Variants in RBFOX1 observed in about 807,000 individuals in gnomAD.
The protein encoded by RBFOX1 is RNA binding fox-1 homolog 1.
RBFOX1 carries 8 observed loss-of-function variants against 57.7 expected under a neutral mutation model. The observed-to-expected ratio is 0.14, with a 90% CI of 0.08 to 0.25. RBFOX1 has a LOEUF of 0.25. RBFOX1 is among the 10% of genes least tolerant of loss of function. RBFOX1 has a pLI of 1.00. For synonymous variants in RBFOX1, 326 were observed against 222.4 expected, an observed-to-expected ratio of 1.47 and a Z score of -4.15; for missense variants, 611 against 548.5, an observed-to-expected ratio of 1.11 and a Z score of -1.14.
In RBFOX1 at chr16:6,032,089, C is replaced by T. The variant is rs1460528926; in HGVS notation, c.-127+12097C>T. Among the ~76,000 whole-genome samples, 3 of 152,068 alleles carry T rather than the reference C, an allele frequency of 2.0e-5. No homozygotes were observed. In the East Asian group the frequency reaches 5.8e-4, roughly 29 times the overall value. On this transcript the variant is annotated intron_variant, in intron 1 of 15. Transcript: ENST00000550418. ...AAGGATTGTATTAGCACCACAGAGA[C>T]CCTTAGCCTCTTTCTTAAAGGTTCT...
Position 5,946,877 on chromosome 16 carries a change from G to A in RBFOX1, c.351+79542G>A, listed in dbSNP as rs1245208188. On this transcript the variant is annotated intron_variant, in intron 4 of 19. Coordinates refer to the RBFOX1 transcript ENST00000641259. This position sits in a 1 kb window ranked among gnomAD's most constrained non-coding sequence, Gnocchi z 4.6. The stretch of plus-strand genomic sequence containing the variant: ...GTGAAATAAAACCCAACACATATGA[G>A]TGTAGAGGTATGCTGCTTGAGTGGA... Among the ~76,000 whole-genome samples, 1 of 152,168 alleles carries A rather than the reference G, an allele frequency of 6.6e-6. No individual in the cohort carries two copies. Among genetic ancestry groups the A allele is most frequent in the Non-Finnish European group, 1.5e-5 (1 of 68,044 alleles).
At chr16:7,565,344 AT>A (rs1265942097) in intron 5 of RBFOX1, among the ~76,000 whole-genome samples, 4 of 152,054 alleles carry the variant, frequency 2.6e-5, no homozygotes, top group African/African-American at 9.7e-5. Flanking sequence ...GAACATATAT[AT>A]TTTCCCCCGA....
At chr16:6,404,098 C>G (rs1413541716) in intron 2 of RBFOX1, among the ~76,000 whole-genome samples, 1 of 152,074 alleles carries the variant, frequency 6.6e-6, no homozygotes, top group Non-Finnish European at 1.5e-5. Flanking sequence ...GACTCGGCAT[C>G]CATGGAGTCA....
intron 3 of RBFOX1, among the ~76,000 whole-genome samples, chr16:6,795,293 C>G (rs2083748633): frequency 6.6e-6 from 1 of 152,022 alleles, no homozygotes; most frequent in Non-Finnish European, 1.5e-5. Flanking sequence ...GCCTTGAGAG[C>G]TCATCTAATT....
At chr16:6,163,837 A>G (rs971406084) in intron 1 of RBFOX1, among the ~76,000 whole-genome samples, 2 of 152,204 alleles carry the variant, frequency 1.3e-5, no homozygotes, top group Admixed American at 6.5e-5. Context: ...AAGGGGAACA[A>G]TTAGAAAGGC....
intron 4 of RBFOX1, among the ~76,000 whole-genome samples, chr16:7,384,543 G>GT (rs1253686449): frequency 2.6e-5 from 4 of 152,180 alleles, no homozygotes; most frequent in Non-Finnish European, 5.9e-5. Flanking sequence ...ATCTTGGGCA[G>GT]TATCATTTAT....
chr16:7,284,335 A>T (rs571084925), intron 4 of RBFOX1, among the ~76,000 whole-genome samples: 11 of 152,168 alleles, frequency 7.2e-5, no homozygotes, highest in Non-Finnish European at 1.5e-4. Context: ...GTTTAACTTT[A>T]TTCATTCATT....
intron 2 of RBFOX1, among the ~76,000 whole-genome samples, chr16:6,452,380 C>T (rs1194200328): frequency 6.6e-6 from 1 of 151,508 alleles, no homozygotes; most frequent in Non-Finnish European, 1.5e-5. Context: ...CTCTTCTTTC[C>T]ATGTCTCTTT....
At chr16:5,820,987 G>A (rs2055832114) in intron 3 of RBFOX1, among the ~76,000 whole-genome samples, 1 of 152,124 alleles carries the variant, frequency 6.6e-6, no homozygotes. Flanking sequence ...GGGAGGGCAG[G>A]AAGGAGGTTT....
At chr16:5,915,010 A>G (rs1023285150) in intron 4 of RBFOX1, among the ~76,000 whole-genome samples, 2 of 152,178 alleles carry the variant, frequency 1.3e-5, no homozygotes, top group African/African-American at 2.4e-5. Flanking sequence ...CTTTTGCTCT[A>G]TGGTGTTGAG....
At chr16:6,899,480 C>G (rs981565852) in intron 3 of RBFOX1, among the ~76,000 whole-genome samples, 1 of 152,076 alleles carries the variant, frequency 6.6e-6, no homozygotes, top group South Asian at 2.1e-4. Flanking sequence ...TCAAGAGCAC[C>G]GAGTCATCTG....
intron 4 of RBFOX1, among the ~76,000 whole-genome samples, chr16:7,155,855 C>A (rs1256720823): frequency 1.3e-5 from 2 of 149,854 alleles, no homozygotes; most frequent in Non-Finnish European, 3.0e-5. Flanking sequence ...ATGTGATGAA[C>A]CATATGTAGT....
At chr16:5,634,689 A>C (rs1230641213) in intron 3 of RBFOX1, among the ~76,000 whole-genome samples, 1 of 152,198 alleles carries the variant, frequency 6.6e-6, no homozygotes, top group Non-Finnish European at 1.5e-5. Context: ...TGCAGGAGGC[A>C]GCAAATTGGG....
intron 2 of RBFOX1, among the ~76,000 whole-genome samples, chr16:5,556,484 C>T (rs1031015297): frequency 3.3e-5 from 5 of 152,182 alleles, no homozygotes; most frequent in Non-Finnish European, 7.3e-5. Context: ...ATCTTTTCCC[C>T]CCGCTTTTTC....
chr16:7,696,086 C>T (rs990988649), intron 14 of RBFOX1, among the ~76,000 whole-genome samples: 5 of 152,200 alleles, frequency 3.3e-5, no homozygotes, highest in Admixed American at 6.5e-5. Context: ...AGTGCCAACA[C>T]ATCTGGTCTG....
intron 2 of RBFOX1, among the ~76,000 whole-genome samples, chr16:6,486,503 G>T (rs1355207837): frequency 6.6e-6 from 1 of 152,058 alleles, no homozygotes; most frequent in Non-Finnish European, 1.5e-5. Context: ...ACGTGTCTTA[G>T]TCTCAAAGTT....
chr16:7,431,539 T>C (rs1293368914), intron 4 of RBFOX1, among the ~76,000 whole-genome samples: 2 of 152,206 alleles, frequency 1.3e-5, no homozygotes, highest in African/African-American at 2.4e-5. Flanking sequence ...CGCGCCACTG[T>C]GCCCGGCTTA....
chr16:7,340,605 G>C (rs565803750), intron 4 of RBFOX1, among the ~76,000 whole-genome samples: 1 of 152,260 alleles, frequency 6.6e-6, no homozygotes, highest in East Asian at 1.9e-4. Flanking sequence ...GTGCAAGATT[G>C]TGTTTCTCAG....
chr16:7,402,749 G>C (rs1372448904), intron 4 of RBFOX1, among the ~76,000 whole-genome samples: 2 of 152,226 alleles, frequency 1.3e-5, no homozygotes, highest in East Asian at 3.9e-4. Context: ...GAAGAAGGGT[G>C]CCCCCCTCCT....
Sources: allele counts gnomAD v4.1 joint callset (sites outside exome capture counted in the v4.1 genomes callset), GRCh38; gene constraint gnomAD v4.1.1; non-coding constraint Gnocchi (gnomAD v3.1); transcripts MANE v1.5; gene names NCBI Gene and HGNC (gene_info 2026-07-23, HGNC 2026-07-21).